Variants in MMD2 observed in about 807,000 individuals in gnomAD.
MMD2 encodes the protein monocyte to macrophage differentiation associated 2.
Under a neutral mutation model 33.5 loss-of-function variants are expected in MMD2, and 30 were observed. That is an observed-to-expected ratio of 0.90 (90% CI 0.67 to 1.22). The LOEUF (loss-of-function observed/expected upper bound fraction) is 1.22, where lower values mean the gene tolerates loss of function less well. Among genes scored for constraint, MMD2 ranks in the 50% most tolerant of loss-of-function variants. The pLI is 0.00. For missense variants in MMD2, 364 were observed against 325.4 expected, an observed-to-expected ratio of 1.12 and a Z score of -0.91; for synonymous variants, 129 against 123.0, an observed-to-expected ratio of 1.05 and a Z score of -0.32.
intron 1 of MMD2, among the ~76,000 whole-genome samples, chr7:4,951,874 A>G (rs1786253335): frequency 6.6e-6 from 1 of 152,158 alleles, no homozygotes; most frequent in Non-Finnish European, 1.5e-5. Context: ...AGCTGGGACT[A>G]CAGGTACGTG....
the MMD2 span, among the ~76,000 whole-genome samples, chr7:4,897,034 AT>A: frequency 6.6e-6 from 1 of 151,630 alleles, no homozygotes; most frequent in Non-Finnish European, 1.5e-5. Context: ...TAATTTTTGT[AT>A]TTTTAGTAGA....
intron 1 of MMD2, among the ~76,000 whole-genome samples, chr7:4,958,274 A>G (rs1786442382): frequency 6.6e-6 from 1 of 152,062 alleles, no homozygotes. Context: ...AATCTTAAAG[A>G]TATGTAAAAG....
chr7:4,909,685 C>A, intron 6 of MMD2, 196 bp downstream of exon 6: 1 of 775,714 alleles, frequency 1.3e-6, no homozygotes, highest in Non-Finnish European at 2.3e-6. Flanking sequence ...ATCCTCCCAC[C>A]TCAGCCTCCC....
intron 1 of MMD2, among the ~76,000 whole-genome samples, chr7:4,926,498 C>A (rs11773321): frequency 0.14 from 20,992 of 152,052 alleles, 1,720 homozygotes; most frequent in East Asian, 0.28. Flanking sequence ...ACTAAACCAC[C>A]ATCCAGGAAG....
intron 1 of MMD2, among the ~76,000 whole-genome samples, chr7:4,943,155 G>A (rs1335019791): frequency 6.6e-6 from 1 of 151,520 alleles, no homozygotes; most frequent in Non-Finnish European, 1.5e-5. Flanking sequence ...GATTACAGGC[G>A]CCTGCCACCA....
chr7:4,908,930 GT>G (rs1784936599), intron 6 of MMD2, among the ~76,000 whole-genome samples: 1 of 151,416 alleles, frequency 6.6e-6, no homozygotes, highest in Admixed American at 6.6e-5. Flanking sequence ...ACAGGACAGA[GT>G]TATAGTTTGC....
intron 1 of MMD2, among the ~76,000 whole-genome samples, chr7:4,952,691 T>C (rs1786280250): frequency 1.1e-4 from 2 of 18,156 alleles, no homozygotes; most frequent in East Asian, 2.0e-3. Flanking sequence ...CGTATGAGAT[T>C]TTTTTTTTTT....
intron 5 of MMD2, among the ~76,000 whole-genome samples, chr7:4,910,421 T>C (rs1304915521): frequency 6.6e-6 from 1 of 152,112 alleles, no homozygotes; most frequent in Admixed American, 6.6e-5. Flanking sequence ...AGGAAGTCTG[T>C]TATGTTCTTT....
chr7:4,933,520 G>C (rs1219923798), intron 1 of MMD2, among the ~76,000 whole-genome samples: 2 of 152,074 alleles, frequency 1.3e-5, no homozygotes, highest in African/African-American at 2.4e-5. Context: ...GTTGGGCAGG[G>C]AGCATCTGAG....
At chr7:4,908,888 C>T (rs1447718256) in intron 6 of MMD2, among the ~76,000 whole-genome samples, 1 of 143,518 alleles carries the variant, frequency 7.0e-6, no homozygotes, top group Non-Finnish European at 1.5e-5. Context: ...CAGAGTGAGA[C>T]TCCATCTCAA....
intron 6 of MMD2, among the ~76,000 whole-genome samples, chr7:4,908,932 T>C (rs969048562): frequency 3.3e-5 from 5 of 151,036 alleles, no homozygotes; most frequent in African/African-American, 1.2e-4. Context: ...AGGACAGAGT[T>C]ATAGTTTGCA....
rs1784865930 is a variant in MMD2, at chr7:4,906,298, C to T, written c.*1098G>A. 1 of 392,738 alleles carries T rather than the reference C, an allele frequency of 2.5e-6. No individual in the cohort carries two copies. 24.3% of individuals were successfully genotyped at this position (392,738 alleles called of 1,614,324 possible). On this transcript the variant is annotated 3_prime_UTR_variant, in exon 7 of 7. Coordinates refer to ENST00000401401, the MANE Select transcript of MMD2 (RefSeq NM_198403.4). ...CGGGGGCTGAAGAACAGGCCCCCAG[C>T]AGCCTTGTTGTTGGGCTACTGAGCA...
intron 4 of MMD2, 67 bp from the exon 5 acceptor site, chr7:4,911,313 C>T (rs956025962): frequency 1.7e-5 from 22 of 1,318,012 alleles, no homozygotes; most frequent in Middle Eastern, 1.9e-4. Context: ...CCTCGAGGAC[C>T]GGCCTGTCAC....
the MMD2 span, among the ~76,000 whole-genome samples, chr7:4,894,054 A>G: frequency 6.6e-6 from 1 of 152,200 alleles, no homozygotes; most frequent in East Asian, 1.9e-4. This position sits in a 1 kb window ranked among gnomAD's most constrained non-coding sequence, Gnocchi z 4.3. Flanking sequence ...TTAACCTCCT[A>G]GGAATGCAGC....
In MMD2 at chr7:4,906,493, G is replaced by A. The variant is rs560540476; in HGVS notation, c.*903C>T. 1.3e-5 allele frequency: 5 copies of A among 398,628 alleles called. No homozygotes were observed. The South Asian group carries it at 5.1e-4, about 41-fold the overall frequency. The allele number at this position is 398,628 out of a possible 1,614,324, so 24.7% of individuals were successfully genotyped here. Reference sequence around the variant, plus strand: ...GGGAGCAAGTGCCTGGGGGCTGTTTGCCCCATCTTATGAATGAATAGCTCT... The same window carrying A: ...GGGAGCAAGTGCCTGGGGGCTGTTTACCCCATCTTATGAATGAATAGCTCT... On this transcript the variant is annotated 3_prime_UTR_variant, in exon 7 of 7. Coordinates refer to ENST00000401401, the MANE Select transcript of MMD2 (RefSeq NM_198403.4).
chr7:4,909,567 A>C (rs1297628110), intron 6 of MMD2, among the ~76,000 whole-genome samples: 1 of 151,920 alleles, frequency 6.6e-6, no homozygotes, highest in Non-Finnish European at 1.5e-5. Flanking sequence ...CTCAGCCTCC[A>C]GAGTAGCTGA....
the MMD2 span, among the ~76,000 whole-genome samples, chr7:4,896,939 A>T: frequency 2.0e-5 from 3 of 151,868 alleles, no homozygotes; most frequent in Non-Finnish European, 4.4e-5. Context: ...AGCTCACTGC[A>T]ACCTCCACCT....
intron 1 of MMD2, among the ~76,000 whole-genome samples, chr7:4,925,995 G>C (rs1228131428): frequency 6.6e-6 from 1 of 152,084 alleles, no homozygotes; most frequent in East Asian, 1.9e-4. Context: ...TAGTAGAGAA[G>C]GGGTTTCACC....
intron 4 of MMD2, among the ~76,000 whole-genome samples, chr7:4,915,753 A>G (rs940026011): frequency 1.8e-5 from 2 of 112,360 alleles, no homozygotes; most frequent in African/African-American, 3.0e-5. Flanking sequence ...ATTCTCAGAA[A>G]AAAAAAAAAC....
Sources: gnomAD v4.1 joint callset for allele counts (sites outside exome capture counted in the v4.1 genomes callset) on GRCh38, gnomAD v4.1.1 for gene constraint, Gnocchi (gnomAD v3.1) non-coding constraint, MANE v1.5 for transcripts, NCBI Gene and HGNC (gene_info 2026-07-23, HGNC 2026-07-21) for gene names.